The following FHIT variants were observed in gnomAD, a reference collection of about 807,000 sequenced individuals.
The protein encoded by FHIT is bis(5'-adenosyl)-triphosphatase.
A neutral mutation model predicts 17.9 loss-of-function variants in FHIT; 19 were observed. The ratio of observed to expected loss-of-function variants is 1.06; its 90% CI spans 0.74 to 1.56. FHIT has a LOEUF of 1.56. FHIT is among the 40% of genes most tolerant of loss of function. The pLI is 0.00. For synonymous variants in FHIT, 81 were observed against 69.7 expected (o/e 1.16, Z -0.81); for missense variants, 248 against 189.2 (o/e 1.31, Z -1.82).
At chr3:60,519,471 C>A (rs1408323215) in intron 5 of FHIT, among the ~76,000 whole-genome samples, 4 of 152,168 alleles carry the variant, frequency 2.6e-5, no homozygotes, top group African/African-American at 9.6e-5. Flanking sequence ...AACTTAACTT[C>A]CCAAAACTTA....
rs145533281 is a variant in FHIT at position 60,497,092 on chromosome 3, A to G, written c.103+39768T>C. Among the ~76,000 whole-genome samples, 499 of 152,242 alleles carry G rather than the reference A, an allele frequency of 3.3e-3. 7 individuals are homozygous for G. The highest frequency in any genetic ancestry group is 0.01 in the African/African-American group (433 of 41,538). ...CTCCCACATGTGGCAATATGTGGAGATATTCTTTGTTATTCACAACTAGGA... is the reference window on the plus strand; with the variant it reads ...CTCCCACATGTGGCAATATGTGGAGGTATTCTTTGTTATTCACAACTAGGA... On this transcript the variant is annotated intron_variant, in intron 5 of 9. Coordinates refer to ENST00000492590, the MANE Select transcript of FHIT (RefSeq NM_002012.4).
chr3:60,222,106 C>T (rs1305211962), intron 5 of FHIT, among the ~76,000 whole-genome samples: 2 of 152,116 alleles, frequency 1.3e-5, no homozygotes, highest in Non-Finnish European at 2.9e-5. Flanking sequence ...TAAGCATTTC[C>T]ATCCAGGAGA....
intron 4 of FHIT, among the ~76,000 whole-genome samples, chr3:60,656,360 G>C (rs1459365913): frequency 1.3e-5 from 2 of 152,008 alleles, no homozygotes; most frequent in East Asian, 3.9e-4. Flanking sequence ...CTTTGCCTGG[G>C]GTCTTTTGAA....
chr3:60,191,883 T>G (rs774655838), intron 5 of FHIT, among the ~76,000 whole-genome samples: 46 of 151,920 alleles, frequency 3.0e-4, no homozygotes, highest in Admixed American at 1.1e-3. Context: ...CAAAGCCAAT[T>G]ACAGAAAATG....
intron 8 of FHIT, among the ~76,000 whole-genome samples, chr3:59,916,899 AT>A (rs1298917431): frequency 6.6e-6 from 1 of 152,236 alleles, no homozygotes; most frequent in Admixed American, 6.5e-5. Flanking sequence ...TCATTCCAAA[AT>A]TCTGAAATAC....
intron 5 of FHIT, among the ~76,000 whole-genome samples, chr3:60,365,569 T>C (rs1312896570): frequency 1.3e-5 from 2 of 152,190 alleles, no homozygotes; most frequent in African/African-American, 4.8e-5. Flanking sequence ...CATAATTCAG[T>C]TCTCATAACT....
chr3:60,999,862 G>C (rs2030945358), intron 3 of FHIT, among the ~76,000 whole-genome samples: 1 of 152,090 alleles, frequency 6.6e-6, no homozygotes, highest in South Asian at 2.1e-4. Context: ...AGCCCATCAA[G>C]GTACCATCAG....
chr3:59,903,271 G>A (rs1245209412), intron 8 of FHIT, among the ~76,000 whole-genome samples: 1 of 152,142 alleles, frequency 6.6e-6, no homozygotes, highest in Non-Finnish European at 1.5e-5. Context: ...TAGTTTCCAG[G>A]GTTATGGAAG....
intron 5 of FHIT, among the ~76,000 whole-genome samples, chr3:60,389,073 A>G (rs1487205871): frequency 6.6e-6 from 1 of 152,200 alleles, no homozygotes; most frequent in Non-Finnish European, 1.5e-5. Context: ...CATCTTCCTT[A>G]TTAAAGGCAC....
At chr3:59,971,889 A>G (rs189838373) in intron 7 of FHIT, among the ~76,000 whole-genome samples, 132 of 152,314 alleles carry the variant, frequency 8.7e-4, no homozygotes, top group Middle Eastern at 3.4e-3. Flanking sequence ...GCAACAAAAT[A>G]TAATCAGAAA....
chr3:60,760,332 A>C (rs576696873), intron 4 of FHIT, among the ~76,000 whole-genome samples: 4 of 152,336 alleles, frequency 2.6e-5, no homozygotes, highest in Admixed American at 2.6e-4. Context: ...TAGTGAGAGC[A>C]TGTGGAGGTT....
chr3:60,518,954 G>A (rs2035259799), intron 5 of FHIT, among the ~76,000 whole-genome samples: 1 of 152,206 alleles, frequency 6.6e-6, no homozygotes. Context: ...AGTGAGCACC[G>A]AGGTGGCACC....
Position 60,121,422 on chromosome 3 carries a change from A to C in FHIT, c.104-107270T>G, listed in dbSNP as rs573219954. ...GTGTACAGGCCGGGCACAGTGGCTC[A>C]TCCCTGTAATCCCAACACTTTGGGA... is the stretch of plus-strand genomic sequence containing the variant. On this transcript the variant is annotated intron_variant, in intron 5 of 9. Coordinates refer to ENST00000492590, the MANE Select transcript of FHIT (RefSeq NM_002012.4). Among the ~76,000 whole-genome samples the C allele has an allele frequency of 5.3e-5, 8 of 152,268 alleles. No individual in the cohort carries two copies. In the South Asian group the frequency reaches 1.7e-3, roughly 32 times the overall value.
At chr3:60,372,086 G>A (rs2107063343) in intron 5 of FHIT, among the ~76,000 whole-genome samples, 1 of 152,246 alleles carries the variant, frequency 6.6e-6, no homozygotes, top group Middle Eastern at 3.4e-3. Flanking sequence ...GGTATCTCCA[G>A]AATGGCTTAA....
At chr3:60,547,183 T>A (rs751889986) in intron 4 of FHIT, among the ~76,000 whole-genome samples, 1 of 152,208 alleles carries the variant, frequency 6.6e-6, no homozygotes, top group Non-Finnish European at 1.5e-5. Flanking sequence ...TGAATCTTTC[T>A]ACCAAATATA....
At chr3:60,487,880 T>A (rs2033907303) in intron 5 of FHIT, among the ~76,000 whole-genome samples, 1 of 152,172 alleles carries the variant, frequency 6.6e-6, no homozygotes, top group Non-Finnish European at 1.5e-5. Context: ...GTGACAGAGT[T>A]CAAGTTCATT....
At position 59,749,188 on chromosome 3, in the gene FHIT, T is replaced by TGAAAAGGGAA. The variant is rs1700747232; in HGVS notation, c.*387_*396dup. 1 of 229,862 alleles carries TGAAAAGGGAA rather than the reference T, an allele frequency of 4.4e-6. No individual in the cohort carries two copies. Among genetic ancestry groups the TGAAAAGGGAA allele is most frequent in the Non-Finnish European group, 8.6e-6 (1 of 115,990 alleles). The allele number at this position is 229,862 out of a possible 1,614,324, so 14.2% of individuals were successfully genotyped here. On this transcript the variant is annotated 3_prime_UTR_variant, in exon 10 of 10. Coordinates refer to ENST00000492590, the MANE Select transcript of FHIT (RefSeq NM_002012.4). ...AAATTCAATATGTAGACATTTTTTT[T>TGAAAAGGGAA]GAAAAGGGAAGAAATAAGCAGGTGG...
intron 4 of FHIT, among the ~76,000 whole-genome samples, chr3:60,595,532 C>CAT (rs60827524): frequency 0.75 from 112,261 of 148,756 alleles, 43,855 homozygotes; most frequent in South Asian, 0.86. Context: ...GACACACACA[C>CAT]ATATATATGT....
chr3:60,638,169 A>G (rs2107786220), intron 4 of FHIT, among the ~76,000 whole-genome samples: 1 of 152,334 alleles, frequency 6.6e-6, no homozygotes, highest in Middle Eastern at 3.4e-3. Context: ...AAACTAAGGG[A>G]AATTAAACAC....
Sources: allele counts gnomAD v4.1 joint callset (sites outside exome capture counted in the v4.1 genomes callset), GRCh38; gene constraint gnomAD v4.1.1; transcripts MANE v1.5; gene names NCBI Gene and HGNC (gene_info 2026-07-23, HGNC 2026-07-21).